Variants in ZBTB49 observed in about 807,000 individuals in gnomAD.
The protein encoded by ZBTB49 is zinc finger and BTB domain containing 49.
A neutral mutation model predicts 57.5 loss-of-function variants in ZBTB49; 43 were observed. The ratio of observed to expected loss-of-function variants is 0.75; its 90% confidence interval spans 0.59 to 0.97. ZBTB49 has a LOEUF of 0.97. ZBTB49 is among the 50% of genes least tolerant of loss of function. The pLI is 0.00. For missense variants in ZBTB49, 938 were observed against 947.7 expected, an observed-to-expected ratio of 0.99 and a Z score of 0.13; for synonymous variants, 369 against 362.1, an observed-to-expected ratio of 1.02 and a Z score of -0.22.
chr4:4,304,379 C>T (rs986786967), intron 3 of ZBTB49, among the ~76,000 whole-genome samples: 4 of 152,032 alleles, frequency 2.6e-5, no homozygotes. Flanking sequence ...GCATGCGCCA[C>T]CAATTTTTTT....
At chr4:4,301,025 C>T (rs891469793) in intron 2 of ZBTB49, among the ~76,000 whole-genome samples, 4 of 152,096 alleles carry the variant, frequency 2.6e-5, no homozygotes, top group Non-Finnish European at 4.4e-5. Context: ...TGTAATGAAT[C>T]AGCTTCTTAA....
In ZBTB49 at chr4:4,300,008, A is replaced by G; in HGVS notation, c.63A>G (p.Gln21=). The change falls in exon 2 of 8, where the codon CAA becomes CAG. Residue 21 remains glutamine, a synonymous_variant. Coordinates refer to ENST00000337872, the MANE Select transcript of ZBTB49 (RefSeq NM_145291.4). Reference sequence around the variant, plus strand: ...AGCAACTGCATGAGCAGCGAATCCAAGGCCTGCTTTGTGACTGTATGTTGG... The same window carrying G: ...AGCAACTGCATGAGCAGCGAATCCAGGGCCTGCTTTGTGACTGTATGTTGG... ...LLQQLHEQRI[Q]GLLCDCMLVV... is the part of the protein sequence containing the mutation. 1.2e-6 allele frequency: 2 copies of G among 1,614,174 alleles called. No individual in the cohort carries two copies. Among genetic ancestry groups the G allele is most frequent in the Non-Finnish European group, 1.7e-6 (2 of 1,180,034 alleles).
At chr4:4,303,495 G>GACT (rs1262160214) in intron 3 of ZBTB49, among the ~76,000 whole-genome samples, 9 of 152,194 alleles carry the variant, frequency 5.9e-5, no homozygotes, top group African/African-American at 2.2e-4. Context: ...GGTTAATTTA[G>GACT]ACTAACCTAA....
intron 1 of ZBTB49, among the ~76,000 whole-genome samples, chr4:4,294,437 A>T (rs1170530613): frequency 2.0e-5 from 3 of 152,172 alleles, no homozygotes; most frequent in African/African-American, 7.2e-5. Context: ...GCTCACTGGA[A>T]CCTCGGCCTT....
chr4:4,306,209 A>G, intron 4 of ZBTB49, 25 bp downstream of exon 4: 1 of 1,594,588 alleles, frequency 6.3e-7, no homozygotes, highest in Non-Finnish European at 8.6e-7. Context: ...ATTTATTGTT[A>G]ATAATTGGAA....
chr4:4,295,718 C>G (rs150198063), intron 1 of ZBTB49, among the ~76,000 whole-genome samples: 11 of 152,278 alleles, frequency 7.2e-5, no homozygotes, highest in African/African-American at 2.4e-4. Context: ...CTCTTTGTCC[C>G]AGTTTTCTCT....
intron 5 of ZBTB49, among the ~76,000 whole-genome samples, chr4:4,314,334 C>G (rs1228981598): frequency 6.6e-6 from 1 of 152,228 alleles, no homozygotes; most frequent in Non-Finnish European, 1.5e-5. Context: ...TCTGAACTTT[C>G]TGAATTCCAT....
chr4:4,314,220 C>G lies in ZBTB49; in HGVS notation c.1376+1106C>G, dbSNP rs16835572. Among the ~76,000 whole-genome samples, 64 of 152,326 alleles carry G rather than the reference C, an allele frequency of 4.2e-4. No homozygotes were observed. In the South Asian group the frequency reaches 0.012, roughly 30 times the overall value. ...AGTCAAGTTCAGGGCCCAGTGTCAT[C>G]TGCCGCTCCTTCCAGATGCCTGGGA... On this transcript the variant is annotated intron_variant, in intron 5 of 7. Coordinates refer to ENST00000337872, the MANE Select transcript of ZBTB49 (RefSeq NM_145291.4).
intron 5 of ZBTB49, among the ~76,000 whole-genome samples, chr4:4,314,731 T>C (rs751759281): frequency 3.9e-5 from 6 of 152,202 alleles, no homozygotes; most frequent in Non-Finnish European, 5.9e-5. Context: ...TAACATACTC[T>C]GCTATCAAGC....
intron 7 of ZBTB49, among the ~76,000 whole-genome samples, chr4:4,316,987 G>A (rs1398970139): frequency 1.3e-5 from 2 of 152,212 alleles, no homozygotes; most frequent in Admixed American, 6.5e-5. Flanking sequence ...GCAGTGAGCC[G>A]AGATTGCACC....
chr4:4,314,356 G>T (rs182455617), intron 5 of ZBTB49, among the ~76,000 whole-genome samples: 1 of 152,286 alleles, frequency 6.6e-6, no homozygotes. Context: ...TCAAAGTGAG[G>T]CATGTGTTTA....
At chr4:4,294,234 T>C (rs573781528) in intron 1 of ZBTB49, among the ~76,000 whole-genome samples, 2 of 152,292 alleles carry the variant, frequency 1.3e-5, no homozygotes, top group African/African-American at 2.4e-5. Context: ...TATAACCTCA[T>C]TGGGGTTTCC....
At chr4:4,306,650 T>C (rs1404855859) in intron 4 of ZBTB49, among the ~76,000 whole-genome samples, 1 of 152,244 alleles carries the variant, frequency 6.6e-6, no homozygotes, top group African/African-American at 2.4e-5. Context: ...TAAGGTCATT[T>C]GGACACATAG....
At chr4:4,305,520 C>G (rs988624200) in intron 3 of ZBTB49, among the ~76,000 whole-genome samples, 2 of 152,142 alleles carry the variant, frequency 1.3e-5, no homozygotes, top group African/African-American at 4.8e-5. Context: ...GAGTACCATT[C>G]TTAGAATCTG....
intron 1 of ZBTB49, among the ~76,000 whole-genome samples, chr4:4,295,403 C>A (rs1720146563): frequency 6.6e-6 from 1 of 152,178 alleles, no homozygotes; most frequent in African/African-American, 2.4e-5. Flanking sequence ...CTCCCATGAT[C>A]CAGTCACCTC....
At chr4:4,310,320 T>C (rs1022260031) in intron 4 of ZBTB49, among the ~76,000 whole-genome samples, 1 of 152,124 alleles carries the variant, frequency 6.6e-6, no homozygotes, top group Non-Finnish European at 1.5e-5. Context: ...GTGAATTCAG[T>C]CCCCATTTTA....
Position 4,315,793 on chromosome 4 carries a change from G to T in ZBTB49, c.1460-16G>T, listed in dbSNP as rs368646131. 1 of 1,614,104 alleles carries T rather than the reference G, an allele frequency of 6.2e-7. No individual in the cohort carries two copies. The highest frequency in any genetic ancestry group is 8.5e-7 in the Non-Finnish European group (1 of 1,179,978). On this transcript the variant is annotated splice_polypyrimidine_tract_variant and intron_variant, in intron 6 of 7. Transcript: ENST00000337872. ...TTCTCTGTCCTTCAGCTTAACACCT[G>T]TTATGGTCTCTCTAGGGTTTAGTAA...
At chr4:4,313,138 G>T in intron 5 of ZBTB49, 24 bp downstream of exon 5, 3 of 1,613,188 alleles carry the variant, frequency 1.9e-6, no homozygotes, top group Non-Finnish European at 1.7e-6. Flanking sequence ...GTGTTCTTCC[G>T]TGTGGAAGGG....
intron 4 of ZBTB49, among the ~76,000 whole-genome samples, chr4:4,307,678 C>A (rs1424712854): frequency 6.6e-6 from 1 of 152,064 alleles, no homozygotes; most frequent in Non-Finnish European, 1.5e-5. Flanking sequence ...TTCTGAGGCA[C>A]CTCCCCGCCC....
Sources: allele counts gnomAD v4.1 joint callset (sites outside exome capture counted in the v4.1 genomes callset), GRCh38; gene constraint gnomAD v4.1.1; transcripts MANE v1.5; gene names NCBI Gene and HGNC (gene_info 2026-07-23, HGNC 2026-07-21).